The following DLG5 variants were observed in gnomAD, a reference collection of about 807,000 sequenced individuals.
DLG5 encodes the protein disks large homolog 5.
DLG5 carries 48 observed loss-of-function variants against 189.8 expected under a neutral mutation model. The observed-to-expected ratio is 0.25, with a 90% confidence interval of 0.20 to 0.32. The LOEUF (loss-of-function observed/expected upper bound fraction) is 0.32. Among genes scored for constraint, DLG5 ranks in the 10% least tolerant of loss-of-function variants. DLG5 has a pLI of 1.00. For missense variants in DLG5, 2,160 were observed against 2,544.7 expected, an observed-to-expected ratio of 0.85 and a Z score of 3.25; for synonymous variants, 1,016 against 1,054.1, an observed-to-expected ratio of 0.96 and a Z score of 0.70.
intron 13 of DLG5, among the ~76,000 whole-genome samples, chr10:77,825,582 G>A (rs1842593506): frequency 6.6e-6 from 1 of 150,922 alleles, no homozygotes; most frequent in African/African-American, 2.4e-5. Context: ...TTGAGATGGA[G>A]TCTCGCTCTG....
chr10:77,915,969 G>C (rs1020756893), intron 1 of DLG5, among the ~76,000 whole-genome samples: 4 of 152,178 alleles, frequency 2.6e-5, no homozygotes, highest in South Asian at 2.1e-4. Flanking sequence ...ATGTAGGACA[G>C]GTGTGGTGGC....
At chr10:77,917,746 G>T (rs1476560303) in intron 1 of DLG5, among the ~76,000 whole-genome samples, 1 of 152,202 alleles carries the variant, frequency 6.6e-6, no homozygotes, top group Non-Finnish European at 1.5e-5. Flanking sequence ...CTTAATGCTG[G>T]CTGGGCGCAG....
chr10:77,801,610 A>T (rs905028503), intron 27 of DLG5, among the ~76,000 whole-genome samples: 2 of 152,242 alleles, frequency 1.3e-5, no homozygotes, highest in African/African-American at 4.8e-5. Flanking sequence ...TCTGAGCAGG[A>T]TAAACACAAA....
At chr10:77,811,066 G>A (rs1324964677) in intron 23 of DLG5, 28 bp downstream of exon 23, 6 of 1,605,896 alleles carry the variant, frequency 3.7e-6, no homozygotes, top group African/African-American at 1.3e-5. Flanking sequence ...AGCGGACACA[G>A]GGAAGGCTCA....
intron 8 of DLG5, 130 bp from the exon 9 acceptor site, chr10:77,834,169 G>A (rs1174689767): frequency 1.6e-6 from 2 of 1,285,258 alleles, no homozygotes; most frequent in African/African-American, 1.5e-5. Context: ...AGATGCACAG[G>A]AACACTTGGG....
chr10:77,854,659 G>T (rs557642811), intron 3 of DLG5, among the ~76,000 whole-genome samples: 1 of 152,284 alleles, frequency 6.6e-6, no homozygotes, highest in Non-Finnish European at 1.5e-5. Context: ...TGTACAACAG[G>T]TCTGAGTCCA....
At chr10:77,897,576 C>A (rs1408745009) in intron 1 of DLG5, among the ~76,000 whole-genome samples, 1 of 151,322 alleles carries the variant, frequency 6.6e-6, no homozygotes, top group Non-Finnish European at 1.5e-5. Flanking sequence ...GTAAGCCCAG[C>A]ACTTTGGGAG....
chr10:77,795,529 G>C (rs1016460790), intron 29 of DLG5, among the ~76,000 whole-genome samples: 5 of 152,130 alleles, frequency 3.3e-5, no homozygotes, highest in African/African-American at 1.2e-4. Flanking sequence ...GCAGCCTGGA[G>C]AAATGGAGCC....
At chr10:77,899,940 A>G (rs941040395) in intron 1 of DLG5, among the ~76,000 whole-genome samples, 1 of 152,194 alleles carries the variant, frequency 6.6e-6, no homozygotes, top group Non-Finnish European at 1.5e-5. Context: ...AATCTTATCA[A>G]TTTCATCCTC....
At chr10:77,826,479 A>T (rs1000806228) in intron 13 of DLG5, among the ~76,000 whole-genome samples, 2 of 152,060 alleles carry the variant, frequency 1.3e-5, no homozygotes, top group South Asian at 4.1e-4. Flanking sequence ...ATACAAAAAA[A>T]CTAGCAGGGC....
chr10:77,809,657 C>T lies in DLG5; in HGVS notation c.4537G>A (p.Gly1513Arg). 5.0e-6 allele frequency: 8 copies of T among 1,614,228 alleles called. No individual in the cohort carries two copies. Among genetic ancestry groups the T allele is most frequent in the Non-Finnish European group, 6.8e-6 (8 of 1,180,036 alleles). ...AGGTTCCCACCACACAAGTGCACCC[C>T]AAGCTCCAGCTGGGACTTTTTGATG... ...VFIKKSQLEL[G>R]VHLCGGNLHG... Residue 1513 changes from glycine to arginine, a missense_variant, in exon 24 of 32, where the codon GGG becomes AGG. Physicochemically the swap from Gly to Arg is moderately radical, Grantham distance 125. This residue lies in a region of DLG5 where 574 missense variants were observed against 644.2 expected (regional missense o/e 0.89). Transcript: ENST00000372391.
At position 77,852,805 on chromosome 10, in the gene DLG5, C is replaced by A. The variant is rs183935550; in HGVS notation, c.864+549G>T. On this transcript the variant is annotated intron_variant, in intron 5 of 31. Coordinates refer to ENST00000372391, the MANE Select transcript of DLG5 (RefSeq NM_004747.4). ...TGGATTAGAATTGAAAATGTCAATG[C>A]GAACTCATGGCTTTCAATCTACCTG... Among the ~76,000 whole-genome samples, 120 of 152,222 alleles carry A rather than the reference C, an allele frequency of 7.9e-4. 1 individual carries two copies. Among genetic ancestry groups the A allele is most frequent in the African/African-American group, 2.8e-3 (118 of 41,538 alleles).
intron 2 of DLG5, chr10:77,868,563 T>C (rs1227819581): frequency 3.9e-6 from 1 of 254,068 alleles, no homozygotes; most frequent in Non-Finnish European, 7.7e-6. Flanking sequence ...CCACTGAAGG[T>C]GTCTGCATCC....
chr10:77,913,945 C>T (rs1846293276), intron 1 of DLG5, among the ~76,000 whole-genome samples: 1 of 152,122 alleles, frequency 6.6e-6, no homozygotes, highest in Non-Finnish European at 1.5e-5. Context: ...GAGAATGGTT[C>T]TTCCTTAAAA....
In DLG5 at chr10:77,816,609, A is replaced by G; in HGVS notation, c.3967T>C (p.Ser1323Pro). 6.2e-7 allele frequency: 1 copy of G among 1,614,168 alleles called. No individual in the cohort carries two copies. The highest frequency in any genetic ancestry group is 8.5e-7 in the Non-Finnish European group (1 of 1,180,032). ...SSCSQSQTSA[S>P]TLPRIAVNPA... ...TTGACAGCGATTCTGGGCAATGTGG[A>G]GGCTGAGGTCTGGGACTGGCTACAA... The change falls in exon 20 of 32, where the codon TCC (serine) becomes CCC (proline). Residue 1323 changes from serine to proline, a missense_variant. Around this residue, in one of 5 missense-constraint regions of DLG5, gnomAD observed 754 missense variants for 746.5 expected, o/e 1.01. Transcript: ENST00000372391.
intron 2 of DLG5, among the ~76,000 whole-genome samples, chr10:77,859,645 T>C (rs1278666220): frequency 6.6e-6 from 1 of 152,182 alleles, no homozygotes; most frequent in African/African-American, 2.4e-5. Context: ...GTAGATACCA[T>C]CTAAGTTTGT....
intron 1 of DLG5, among the ~76,000 whole-genome samples, chr10:77,888,839 G>A (rs1374348049): frequency 1.3e-5 from 2 of 152,110 alleles, no homozygotes; most frequent in Non-Finnish European, 2.9e-5. Context: ...TTATATGTGG[G>A]TTGTGTGTGT....
At chr10:77,837,460 A>C (rs1450626461) in intron 7 of DLG5, among the ~76,000 whole-genome samples, 1 of 152,142 alleles carries the variant, frequency 6.6e-6, no homozygotes, top group Admixed American at 6.5e-5. Flanking sequence ...CAGCTCCCCC[A>C]GCCCACAGCT....
intron 1 of DLG5, among the ~76,000 whole-genome samples, chr10:77,911,968 G>A (rs989211626): frequency 2.0e-5 from 3 of 151,408 alleles, no homozygotes; most frequent in African/African-American, 7.3e-5. Flanking sequence ...GGAGGCTGAG[G>A]AGGGAGGATC....
Sources: allele counts gnomAD v4.1 joint callset (sites outside exome capture counted in the v4.1 genomes callset), GRCh38; gene constraint gnomAD v4.1.1; regional missense constraint gnomAD v4.1.1; transcripts MANE v1.5; gene names NCBI Gene and HGNC (gene_info 2026-07-23, HGNC 2026-07-21).